The following DACH2 variants were observed in gnomAD, a reference collection of about 807,000 sequenced individuals.
DACH2 encodes dachshund family transcription factor 2, also known as dachshund homolog 2.
A neutral mutation model predicts 35.8 loss-of-function variants in DACH2; 17 were observed. The observed-to-expected ratio is 0.48, with a 90% CI of 0.33 to 0.71. The LOEUF (loss-of-function observed/expected upper bound fraction) is 0.71, where lower values mean the gene tolerates loss of function less well. DACH2 is among the 30% of genes least tolerant of loss of function. The pLI, the probability that DACH2 is intolerant of heterozygous loss-of-function variation, is 0.02. For synonymous variants in DACH2, 195 were observed against 177.3 expected, an observed-to-expected ratio of 1.10 and a Z score of -0.79; for missense variants, 469 against 472.7, an observed-to-expected ratio of 0.99 and a Z score of 0.07.
intron 3 of DACH2, among the ~76,000 whole-genome samples, chrX:86,556,827 G>GAGAGAGAGAGAGA (rs551353364): frequency 2.9e-4 from 25 of 85,535 alleles, no homozygotes; most frequent in Non-Finnish European, 3.1e-4. Flanking sequence ...GAGAGAGAGA[G>GAGAGAGAGAGAGA]AGAAGAAGAA....
chrX:86,648,967 T>C (rs901405436), intron 3 of DACH2, among the ~76,000 whole-genome samples: 12 of 109,849 alleles, frequency 1.1e-4, no homozygotes, highest in African/African-American at 4.0e-4. Context: ...TTAACTCATG[T>C]GTGAGCTACT....
intron 7 of DACH2, among the ~76,000 whole-genome samples, chrX:86,774,849 A>G (rs2042016540): frequency 8.9e-6 from 1 of 112,122 alleles, no homozygotes; most frequent in Non-Finnish European, 1.9e-5. Flanking sequence ...TGATGAATAT[A>G]AACTTAGGCA....
chrX:86,454,212 T>C (rs1368253950), intron 2 of DACH2, among the ~76,000 whole-genome samples: 1 of 111,406 alleles, frequency 9.0e-6, no homozygotes, highest in Non-Finnish European at 1.9e-5. Context: ...ATTAACACTT[T>C]TTCTTTCATT....
chrX:86,606,246 C>A (rs1485842788), intron 3 of DACH2, among the ~76,000 whole-genome samples: 1 of 106,362 alleles, frequency 9.4e-6, no homozygotes, highest in Non-Finnish European at 1.9e-5. Flanking sequence ...CTTACTCTTG[C>A]TTTTCTAGTT....
At chrX:86,702,633 A>G (rs1470099237) in intron 5 of DACH2, among the ~76,000 whole-genome samples, 1 of 111,705 alleles carries the variant, frequency 9.0e-6, no homozygotes, top group East Asian at 2.8e-4. Context: ...ATTATTTGAG[A>G]CTACTATGAC....
chrX:86,386,554 A>T (rs1229877752), intron 2 of DACH2, among the ~76,000 whole-genome samples: 2 of 110,334 alleles, frequency 1.8e-5, no homozygotes, highest in African/African-American at 6.6e-5. Flanking sequence ...CCATTTATGT[A>T]TTTATTCAAT....
chrX:86,275,367 T>A (rs924363668), intron 1 of DACH2, among the ~76,000 whole-genome samples: 2 of 112,021 alleles, frequency 1.8e-5, no homozygotes, highest in Admixed American at 9.5e-5. Flanking sequence ...TTTAGAATCA[T>A]TTAAATTGAA....
At chrX:86,643,366 G>A (rs1220671728) in intron 3 of DACH2, among the ~76,000 whole-genome samples, 1 of 110,306 alleles carries the variant, frequency 9.1e-6, no homozygotes, top group African/African-American at 3.3e-5. Flanking sequence ...AAACCTAGAA[G>A]ATATGGATAA....
chrX:86,796,985 A>T, intron 7 of DACH2, among the ~76,000 whole-genome samples: 1 of 111,731 alleles, frequency 9.0e-6, no homozygotes, highest in Non-Finnish European at 1.9e-5. Context: ...AACTGATGGA[A>T]ATATAGAACA....
chrX:86,462,745 T>C (rs1684164383), intron 2 of DACH2, among the ~76,000 whole-genome samples: 1 of 111,495 alleles, frequency 9.0e-6, no homozygotes, highest in Non-Finnish European at 1.9e-5. Flanking sequence ...CTATTTTAGA[T>C]CCTCAAGTAT....
chrX:86,462,422 T>C (rs1431213999), intron 2 of DACH2, among the ~76,000 whole-genome samples: 1 of 111,346 alleles, frequency 9.0e-6, no homozygotes, highest in Non-Finnish European at 1.9e-5. Context: ...AATTTGAAAA[T>C]CTGTAGGTAC....
chrX:86,321,504 G>A (rs749233262), intron 1 of DACH2, among the ~76,000 whole-genome samples: 6 of 111,648 alleles, frequency 5.4e-5, no homozygotes, highest in Non-Finnish European at 7.5e-5. Flanking sequence ...TAGTCCTTTG[G>A]CCCTCTAATA....
At chrX:86,633,804 G>A (rs1485094970) in intron 3 of DACH2, among the ~76,000 whole-genome samples, 3 of 111,980 alleles carry the variant, frequency 2.7e-5, no homozygotes, top group Non-Finnish European at 3.8e-5. Flanking sequence ...ACAAGAGATG[G>A]AAGCATGGTA....
chrX:86,288,848 A>C (rs1041536580), intron 1 of DACH2, among the ~76,000 whole-genome samples: 5 of 111,699 alleles, frequency 4.5e-5, no homozygotes, highest in African/African-American at 6.5e-5. Context: ...TGGAATAAGT[A>C]CTCTCAAGTC....
intron 4 of DACH2, among the ~76,000 whole-genome samples, chrX:86,681,303 T>C (rs933474943): frequency 9.0e-6 from 1 of 111,073 alleles, no homozygotes; most frequent in Admixed American, 9.7e-5. Flanking sequence ...ATAAAAACAG[T>C]GTTTAAAAAG....
rs1033544975 is a variant in DACH2, at chrX:86,523,458, C to A, written c.640+9067C>A. On this transcript the variant is annotated intron_variant, in intron 3 of 11. Transcript: ENST00000373125. ...CATTCTAGAAAACAAACTAACCATTCTGATAGTTTCCTTAAATCAAATAAA... is the reference window on the plus strand; with the variant it reads ...CATTCTAGAAAACAAACTAACCATTATGATAGTTTCCTTAAATCAAATAAA... Among the ~76,000 whole-genome samples, 3 of 111,729 alleles carry A rather than the reference C, an allele frequency of 2.7e-5. No homozygotes were observed. In the Admixed American group the frequency reaches 2.9e-4, roughly 11 times the overall value.
chrX:86,350,012 A>G (rs919940624), intron 1 of DACH2, among the ~76,000 whole-genome samples: 9 of 111,088 alleles, frequency 8.1e-5, no homozygotes, highest in Non-Finnish European at 1.5e-4. Flanking sequence ...TACTAAAAAT[A>G]CAAAAATTAG....
chrX:86,564,011 A>C (rs1016024342), intron 3 of DACH2, among the ~76,000 whole-genome samples: 4 of 110,840 alleles, frequency 3.6e-5, no homozygotes, highest in African/African-American at 1.3e-4. Flanking sequence ...TATGTACTAC[A>C]TCAATATATA....
At chrX:86,421,139 A>C (rs1020280346) in intron 2 of DACH2, among the ~76,000 whole-genome samples, 4 of 111,741 alleles carry the variant, frequency 3.6e-5, no homozygotes, top group Non-Finnish European at 5.7e-5. Flanking sequence ...GAATAAGTAA[A>C]TTATAAATTA....
Sources: gnomAD v4.1 joint callset for allele counts (sites outside exome capture counted in the v4.1 genomes callset) on GRCh38, gnomAD v4.1.1 for gene constraint, MANE v1.5 for transcripts, NCBI Gene and HGNC (gene_info 2026-07-23, HGNC 2026-07-21) for gene names.